MANBA: variants seen among roughly 807,000 people sequenced by gnomAD.
MANBA encodes beta-mannosidase.
MANBA carries 83 observed loss-of-function variants against 111.1 expected under a neutral mutation model. The ratio of observed to expected loss-of-function variants is 0.75; its 90% CI spans 0.63 to 0.90. The LOEUF (loss-of-function observed/expected upper bound fraction) is 0.90, where lower values mean the gene tolerates loss of function less well. MANBA is among the 40% of genes least tolerant of loss of function. The pLI is 0.00. For synonymous variants in MANBA, 370 were observed against 378.7 expected, an observed-to-expected ratio of 0.98 and a Z score of 0.27; for missense variants, 1,036 against 1,069.0, an observed-to-expected ratio of 0.97 and a Z score of 0.43.
At position 102,685,177 on chromosome 4, in the gene MANBA, G is replaced by A. The variant is rs1214338989; in HGVS notation, c.960+4397C>T. 2.6e-5 allele frequency among the ~76,000 whole-genome samples: 4 copies of A among 152,146 alleles called. No homozygotes were observed. The South Asian group carries it at 8.3e-4, about 32-fold the overall frequency. On this transcript the variant is annotated intron_variant, in intron 7 of 16. Coordinates refer to ENST00000647097, the MANE Select transcript of MANBA (RefSeq NM_005908.4). ...CAGAAGGGAGGGGAGAGTTTGAGGT[G>A]TGAAGTGCTAGTAATTAATGTTCTG...
chr4:102,646,464 G>A (rs1008723655), intron 13 of MANBA, among the ~76,000 whole-genome samples: 1 of 151,992 alleles, frequency 6.6e-6, no homozygotes, highest in African/African-American at 2.4e-5. Flanking sequence ...AGATAAAATG[G>A]GCCTCTAAAG....
At chr4:102,722,721 G>A in intron 4 of MANBA, 150 bp downstream of exon 4, 2 of 757,780 alleles carry the variant, frequency 2.6e-6, no homozygotes, top group Non-Finnish European at 4.5e-6. Flanking sequence ...TAATCTTTTG[G>A]TTCTTATTTC....
At chr4:102,655,822 G>C (rs1485582533) in intron 12 of MANBA, among the ~76,000 whole-genome samples, 1 of 152,182 alleles carries the variant, frequency 6.6e-6, no homozygotes, top group Non-Finnish European at 1.5e-5. Flanking sequence ...TGTGCTGTAA[G>C]TGATACCATC....
At chr4:102,745,934 T>C (rs1263697242) in intron 1 of MANBA, among the ~76,000 whole-genome samples, 1 of 152,182 alleles carries the variant, frequency 6.6e-6, no homozygotes, top group Admixed American at 6.5e-5. Flanking sequence ...GACTTTAGTC[T>C]AGGTATAGGT....
chr4:102,730,088 C>T, intron 1 of MANBA: 1 of 896,782 alleles, frequency 1.1e-6, no homozygotes, highest in South Asian at 1.6e-5. Flanking sequence ...GGACACTGGG[C>T]CCACTTGTGT....
intron 1 of MANBA, among the ~76,000 whole-genome samples, chr4:102,754,338 A>T (rs72937860): frequency 1.5e-3 from 232 of 152,250 alleles, no homozygotes; most frequent in African/African-American, 5.4e-3. Flanking sequence ...ATAAAGATGT[A>T]CAGTAAAATT....
intron 12 of MANBA, among the ~76,000 whole-genome samples, chr4:102,654,944 A>C (rs1368827986): frequency 1.3e-5 from 2 of 152,168 alleles, no homozygotes; most frequent in Non-Finnish European, 2.9e-5. Flanking sequence ...GAAAATGCTA[A>C]AGAATATCCT....
intron 5 of MANBA, among the ~76,000 whole-genome samples, chr4:102,692,778 G>A (rs1732541710): frequency 6.6e-6 from 1 of 152,038 alleles, no homozygotes; most frequent in Non-Finnish European, 1.5e-5. Flanking sequence ...GGAAGGGGAG[G>A]GGGAAGGCTA....
In MANBA at chr4:102,709,309, AGG is replaced by A. The variant is rs1560788707; in HGVS notation, c.673+5127_673+5128del. Among the ~76,000 whole-genome samples the A allele has an allele frequency of 1.2e-3, 161 of 135,122 alleles. 2 individuals carry two copies. Among genetic ancestry groups the A allele is most frequent in the African/African-American group, 2.9e-3 (93 of 32,106 alleles). The allele number at this position is 135,122 out of a possible 152,430, so 88.6% of individuals were successfully genotyped here. A position where few individuals can be genotyped will look rare whatever the true frequency, so the allele number is the denominator to read the frequency against. Reference sequence around the variant, plus strand: ...AAGGAAGGAAGGAAGGAAGGAAGGAAGGAAGAAAAGAAAAGAAAAAGAAAGGA... The same window carrying A: ...AAGGAAGGAAGGAAGGAAGGAAGGAAAAGAAAAGAAAAGAAAAAGAAAGGA... On this transcript the variant is annotated intron_variant, in intron 5 of 16. Coordinates refer to ENST00000647097, the MANE Select transcript of MANBA (RefSeq NM_005908.4).
chr4:102,682,044 G>A (rs1013334365), intron 7 of MANBA, among the ~76,000 whole-genome samples: 1 of 151,758 alleles, frequency 6.6e-6, no homozygotes, highest in Non-Finnish European at 1.5e-5. Flanking sequence ...CTACTCAGGA[G>A]GCTGAGGCAG....
At chr4:102,712,115 C>A (rs957772523) in intron 5 of MANBA, among the ~76,000 whole-genome samples, 1 of 152,036 alleles carries the variant, frequency 6.6e-6, no homozygotes, top group African/African-American at 2.4e-5. Context: ...GTGATAGATA[C>A]CCGAATTACC....
chr4:102,650,760 A>G (rs958406381), intron 12 of MANBA, 59 bp from the exon 13 acceptor site: 6 of 1,404,982 alleles, frequency 4.3e-6, no homozygotes, highest in African/African-American at 1.4e-5. Context: ...CTACTTTTCT[A>G]TAAGTTCCTG....
chr4:102,639,461 T>C (rs181794150), intron 14 of MANBA, among the ~76,000 whole-genome samples: 47 of 152,310 alleles, frequency 3.1e-4, no homozygotes, highest in African/African-American at 1.1e-3. Context: ...TATAGGAATC[T>C]ATCCCATGCT....
chr4:102,631,998 G>T lies in MANBA; in HGVS notation c.*59C>A. On this transcript the variant is annotated 3_prime_UTR_variant, in exon 17 of 17. Coordinates refer to ENST00000647097, the MANE Select transcript of MANBA (RefSeq NM_005908.4). ...CTTGTCTCTGTTGCCTTCCTCTCCA[G>T]TCGGTGCTTTAGAAATGCTTTATTC... The T allele has an allele frequency of 7.1e-7, 1 of 1,404,548 alleles. No homozygotes were observed. Among genetic ancestry groups the T allele is most frequent in the Non-Finnish European group, 1.0e-6 (1 of 991,902 alleles). The allele number at this position is 1,404,548 out of a possible 1,614,324, so 87.0% of individuals were successfully genotyped here.
At chr4:102,739,763 CA>C (rs1041590274) in intron 1 of MANBA, among the ~76,000 whole-genome samples, 1 of 152,208 alleles carries the variant, frequency 6.6e-6, no homozygotes, top group Non-Finnish European at 1.5e-5. Flanking sequence ...TTAAAATCCT[CA>C]GCAAAATTGG....
At chr4:102,759,243 G>A (rs1314290646) in intron 1 of MANBA, among the ~76,000 whole-genome samples, 1 of 149,298 alleles carries the variant, frequency 6.7e-6, no homozygotes, top group South Asian at 2.1e-4. Flanking sequence ...CTCTTTCTAT[G>A]TTGGCCATGC....
chr4:102,734,943 C>T (rs1348737755), intron 1 of MANBA, among the ~76,000 whole-genome samples: 2 of 152,214 alleles, frequency 1.3e-5, no homozygotes, highest in East Asian at 3.8e-4. Flanking sequence ...TTGAGTCACC[C>T]CCTCCTTGTG....
chr4:102,633,776 T>G (rs1022586740), intron 16 of MANBA, among the ~76,000 whole-genome samples: 3 of 150,244 alleles, frequency 2.0e-5, no homozygotes, highest in African/African-American at 4.9e-5. Flanking sequence ...TACATAGTGG[T>G]TTTTTTTTTC....
chr4:102,741,911 T>A (rs540531060), intron 1 of MANBA, among the ~76,000 whole-genome samples: 1 of 152,238 alleles, frequency 6.6e-6, no homozygotes, highest in African/African-American at 2.4e-5. Context: ...GAGGTCATGG[T>A]TTTTTTCCTG....
Sources: gnomAD v4.1 joint callset for allele counts (sites outside exome capture counted in the v4.1 genomes callset) on GRCh38, gnomAD v4.1.1 for gene constraint, MANE v1.5 for transcripts, NCBI Gene and HGNC (gene_info 2026-07-23, HGNC 2026-07-21) for gene names.